Variants in TMEM131L observed in about 807,000 individuals in gnomAD.
The protein encoded by TMEM131L is transmembrane protein 131-like.
Under a neutral mutation model 192.2 loss-of-function variants are expected in TMEM131L, and 54 were observed. The observed-to-expected ratio is 0.28, with a 90% CI of 0.23 to 0.35. The LOEUF is 0.35. TMEM131L is among the 10% of genes least tolerant of loss of function. The pLI is 1.00. For missense variants in TMEM131L, 1,888 were observed against 1,972.9 expected (o/e 0.96, Z 0.82); for synonymous variants, 701 against 704.9 (o/e 0.99, Z 0.09).
chr4:153,556,373 G>A (rs1489818951), intron 5 of TMEM131L, among the ~76,000 whole-genome samples: 1 of 152,208 alleles, frequency 6.6e-6, no homozygotes, highest in Admixed American at 6.5e-5. Context: ...TTGTAAAGCT[G>A]ATTGGCACCA....
chr4:153,585,745 A>T (rs1730660647), intron 13 of TMEM131L, 134 bp downstream of exon 13: 3 of 538,620 alleles, frequency 5.6e-6, no homozygotes, highest in African/African-American at 2.0e-5. Flanking sequence ...ATAAAATTTT[A>T]TGATTTTTAA....
intron 25 of TMEM131L, among the ~76,000 whole-genome samples, chr4:153,605,276 G>A (rs558924461): frequency 4.6e-5 from 7 of 152,172 alleles, no homozygotes; most frequent in Non-Finnish European, 7.4e-5. Flanking sequence ...GATCCCTTTG[G>A]CCTCTAGCAT....
intron 15 of TMEM131L, among the ~76,000 whole-genome samples, 161 bp downstream of exon 15, chr4:153,587,972 C>G (rs575694081): frequency 6.6e-6 from 1 of 150,526 alleles, no homozygotes; most frequent in African/African-American, 2.4e-5. Context: ...TGTTAAGAAC[C>G]CTCCAGAAAC....
intron 3 of TMEM131L, among the ~76,000 whole-genome samples, chr4:153,536,553 G>C (rs1366253590): frequency 6.6e-6 from 1 of 152,116 alleles, no homozygotes; most frequent in African/African-American, 2.4e-5. Context: ...AAGAAATCCT[G>C]AAACACTTTG....
intron 5 of TMEM131L, 116 bp downstream of exon 5, chr4:153,556,026 A>G: frequency 9.9e-7 from 1 of 1,010,006 alleles, no homozygotes; most frequent in South Asian, 1.9e-5. Context: ...TCTGGTACCC[A>G]AACCTTTTCC....
intron 33 of TMEM131L, 25 bp downstream of exon 33, chr4:153,634,305 A>G (rs1734424308): frequency 1.3e-6 from 2 of 1,542,096 alleles, no homozygotes; most frequent in African/African-American, 1.4e-5. Context: ...GACAATCCCA[A>G]CGCCATTATT....
intron 2 of TMEM131L, among the ~76,000 whole-genome samples, chr4:153,470,233 T>C (rs2149712434): frequency 6.6e-6 from 1 of 152,258 alleles, no homozygotes; most frequent in African/African-American, 2.4e-5. Flanking sequence ...GGAATTATGG[T>C]GCTGGTTTCA....
intron 3 of TMEM131L, among the ~76,000 whole-genome samples, chr4:153,485,600 A>G (rs1732274677): frequency 6.6e-6 from 1 of 152,204 alleles, no homozygotes; most frequent in South Asian, 2.1e-4. Context: ...TGAGGGTTGT[A>G]ACTACCTTGT....
chr4:153,558,411 CTT>C (rs1561191294), intron 7 of TMEM131L, 43 bp downstream of exon 7: 1 of 1,160,464 alleles, frequency 8.6e-7, no homozygotes, highest in South Asian at 1.3e-5. Flanking sequence ...GGCCACCAAA[CTT>C]TGTAACCTTC....
intron 4 of TMEM131L, among the ~76,000 whole-genome samples, chr4:153,553,690 G>T (rs1458479096): frequency 6.6e-6 from 1 of 152,118 alleles, no homozygotes; most frequent in Non-Finnish European, 1.5e-5. Context: ...TGATTTTCCT[G>T]GGGGGTTGTA....
chr4:153,581,035 C>T (rs1330013484), intron 8 of TMEM131L, 132 bp downstream of exon 8: 10 of 619,876 alleles, frequency 1.6e-5, no homozygotes, highest in East Asian at 3.0e-5. Flanking sequence ...GAGTGGATCA[C>T]GAGGTCAGGA....
At position 153,586,305 on chromosome 4, in the gene TMEM131L, A is replaced by G. The variant is rs748447845; in HGVS notation, c.1408A>G (p.Thr470Ala). ...TAAAGACATTGCCATAAATCTATTC[A>G]CCAATGTATTTTTGACTACAAACAT... ...AVKDIAINLF[T>A]NVFLTTNIGA... Residue 470 changes from threonine (T) to alanine (A), a missense_variant, in exon 14 of 35, where the codon ACC becomes GCC. Transcript: ENST00000409959. 5 of 1,605,066 alleles carry G rather than the reference A, an allele frequency of 3.1e-6. No homozygotes were observed. In the East Asian group the frequency reaches 1.1e-4, roughly 36 times the overall value.
intron 32 of TMEM131L, 53 bp from the exon 33 acceptor site, chr4:153,634,134 TCTTTA>T (rs1257632406): frequency 7.1e-7 from 1 of 1,412,678 alleles, no homozygotes. Context: ...TTTTCCATTT[TCTTTA>T]CTTGATGTCT....
chr4:153,468,449 G>A (rs1305288755), intron 2 of TMEM131L, among the ~76,000 whole-genome samples: 1 of 125,290 alleles, frequency 8.0e-6, no homozygotes, highest in Non-Finnish European at 1.6e-5. Context: ...TTTTTTCCCC[G>A]ATTTTAAATA....
intron 31 of TMEM131L, among the ~76,000 whole-genome samples, chr4:153,628,768 A>G (rs1578903807): frequency 6.6e-6 from 1 of 152,320 alleles, no homozygotes; most frequent in East Asian, 1.9e-4. Flanking sequence ...GGAAAAATAA[A>G]AACTGTCAGA....
At chr4:153,580,642 TTC>T (rs113702494) in intron 7 of TMEM131L, among the ~76,000 whole-genome samples, 182 bp from the exon 8 acceptor site, 37 of 152,312 alleles carry the variant, frequency 2.4e-4, no homozygotes, top group African/African-American at 8.4e-4. Flanking sequence ...GAGAACAGAT[TTC>T]TCTGTTTAGC....
chr4:153,532,392 T>C (rs1043906826), intron 3 of TMEM131L, among the ~76,000 whole-genome samples: 2 of 151,898 alleles, frequency 1.3e-5, no homozygotes, highest in African/African-American at 4.8e-5. Flanking sequence ...CCTGACAGAA[T>C]GATTGAATTA....
chr4:153,481,991 C>A (rs779570061), intron 3 of TMEM131L, among the ~76,000 whole-genome samples: 12 of 152,236 alleles, frequency 7.9e-5, no homozygotes, highest in Non-Finnish European at 1.8e-4. Context: ...GGACTACAGG[C>A]AGGCACCAGC....
intron 21 of TMEM131L, among the ~76,000 whole-genome samples, chr4:153,601,010 T>C (rs1248475604): frequency 6.6e-6 from 1 of 151,082 alleles, no homozygotes; most frequent in Non-Finnish European, 1.5e-5. Context: ...CTTGGGAGGC[T>C]GAGGCAAGAG....
Sources: allele counts gnomAD v4.1 joint callset (sites outside exome capture counted in the v4.1 genomes callset), GRCh38; gene constraint gnomAD v4.1.1; transcripts MANE v1.5; gene names NCBI Gene and HGNC (gene_info 2026-07-23, HGNC 2026-07-21).